The following PJA2 variants were observed in gnomAD, a reference collection of about 807,000 sequenced individuals.
The protein encoded by PJA2 is E3 ubiquitin-protein ligase Praja-2.
PJA2 carries 25 observed loss-of-function variants against 69.3 expected under a neutral mutation model. The ratio of observed to expected loss-of-function variants is 0.36; its 90% CI spans 0.26 to 0.50. The LOEUF (loss-of-function observed/expected upper bound fraction) is 0.50, where lower values mean the gene tolerates loss of function less well. Ranked by LOEUF, PJA2 falls within the 20% of genes least tolerant of loss-of-function variation. The pLI is 0.96. For synonymous variants in PJA2, 308 were observed against 277.8 expected, an observed-to-expected ratio of 1.11 and a Z score of -1.08; for missense variants, 809 against 830.2, an observed-to-expected ratio of 0.97 and a Z score of 0.31.
Position 109,365,488 on chromosome 5 carries a change from A to T in PJA2, c.1470-2466T>A, listed in dbSNP as rs1017245997. ...ACATATATGCTTTTATGTGTACGGA[A>T]GATCTTTAGAAGTTCAAAAAGGAAG... On this transcript the variant is annotated intron_variant, in intron 5 of 9. Coordinates refer to ENST00000361189, the MANE Select transcript of PJA2 (RefSeq NM_014819.5). Among the ~76,000 whole-genome samples the T allele has an allele frequency of 3.3e-5, 5 of 152,218 alleles. 1 individual carries two copies. The highest frequency in any genetic ancestry group is 3.3e-4 in the Admixed American group (5 of 15,286).
At chr5:109,337,960 T>C (rs570614744) in intron 9 of PJA2, among the ~76,000 whole-genome samples, 2 of 152,230 alleles carry the variant, frequency 1.3e-5, no homozygotes, top group South Asian at 4.1e-4. Flanking sequence ...GATAAGAGTG[T>C]TAGGTGCCTT....
intron 1 of PJA2, chr5:109,409,223 T>G (rs578129556): frequency 2.8e-4 from 43 of 152,376 alleles, no homozygotes; most frequent in African/African-American, 8.9e-4. Flanking sequence ...AGAGCAGCCC[T>G]GGCGGAAAGG....
intron 3 of PJA2, 33 bp downstream of exon 3, chr5:109,381,470 T>C: frequency 6.4e-7 from 1 of 1,572,150 alleles, no homozygotes; most frequent in Non-Finnish European, 8.7e-7. Context: ...TATATAACTA[T>C]TAATAACCTT....
At chr5:109,362,436 AG>A (rs1214779113) in intron 6 of PJA2, among the ~76,000 whole-genome samples, 2 of 152,224 alleles carry the variant, frequency 1.3e-5, no homozygotes, top group Non-Finnish European at 2.9e-5. Context: ...AAGGAAGAAT[AG>A]GGAAGGAGAA....
In PJA2 at chr5:109,337,272, C is replaced by G. The variant is rs772098880; in HGVS notation, c.2086G>C (p.Asp696His). Residue 696 changes from aspartate (D) to histidine (H), a missense_variant, in exon 10 of 10, where the codon GAT (aspartate) becomes CAT (histidine). Coordinates refer to ENST00000361189, the MANE Select transcript of PJA2 (RefSeq NM_014819.5). ...SAAPSSEPDP[D>H]APPSNDSIAE... ...ATACTGTCATTTGAAGGTGGGGCAT[C>G]AGGATCAGGCTCAGAGGAAGGAGCT... 3.1e-6 allele frequency: 5 copies of G among 1,613,498 alleles called. No homozygotes were observed. In the South Asian group the frequency reaches 5.5e-5, roughly 18 times the overall value.
chr5:109,374,823 C>G (rs1407197186), intron 4 of PJA2, among the ~76,000 whole-genome samples: 1 of 152,110 alleles, frequency 6.6e-6, no homozygotes, highest in Non-Finnish European at 1.5e-5. Context: ...CAGTTAGGCC[C>G]AAGGTTAAGA....
At chr5:109,403,663 A>G (rs1582633793) in intron 1 of PJA2, among the ~76,000 whole-genome samples, 1 of 152,030 alleles carries the variant, frequency 6.6e-6, no homozygotes, top group East Asian at 1.9e-4. Context: ...ATTCGCAAAT[A>G]AGTTAACGTA....
chr5:109,370,786 G>A (rs543989216), intron 4 of PJA2, among the ~76,000 whole-genome samples: 3 of 151,800 alleles, frequency 2.0e-5, no homozygotes, highest in Non-Finnish European at 4.4e-5. Flanking sequence ...TAACAATTAG[G>A]GTAAGATTTC....
chr5:109,343,994 G>A (rs574679845), intron 9 of PJA2, among the ~76,000 whole-genome samples, 196 bp downstream of exon 9: 1 of 151,728 alleles, frequency 6.6e-6, no homozygotes, highest in South Asian at 2.1e-4. Context: ...CTACTTGGGA[G>A]GCTGAGGCAG....
At chr5:109,397,793 G>A (rs1747451190) in intron 1 of PJA2, among the ~76,000 whole-genome samples, 1 of 152,102 alleles carries the variant, frequency 6.6e-6, no homozygotes, top group South Asian at 2.1e-4. Context: ...CAAAATGCTG[G>A]GATTACAGGC....
chr5:109,379,154 T>G lies in PJA2; in HGVS notation c.333A>C (p.Gln111His). 6.2e-7 allele frequency: 1 copy of G among 1,614,162 alleles called. No homozygotes were observed. The highest frequency in any genetic ancestry group is 2.2e-5 in the East Asian group (1 of 44,876). Residue 111 changes from glutamine (Q) to histidine (H), a missense_variant, in exon 4 of 10, where the codon CAA becomes CAC. Around this residue, in one of 4 missense-constraint regions of PJA2, gnomAD observed 700 missense variants for 639.5 expected, o/e 1.09. Coordinates refer to ENST00000361189, the MANE Select transcript of PJA2 (RefSeq NM_014819.5). ...EIPTCGSALN[Q>H]TTESSQSFVA... Reference sequence around the variant, plus strand: ...CAAAGGATTGACTGCTCTCAGTGGTTTGATTCAATGCTGAACCACAAGTGG... The same window carrying G: ...CAAAGGATTGACTGCTCTCAGTGGTGTGATTCAATGCTGAACCACAAGTGG...
intron 9 of PJA2, among the ~76,000 whole-genome samples, 170 bp from the exon 10 acceptor site, chr5:109,337,526 C>T (rs184557846): frequency 6.4e-4 from 97 of 152,252 alleles, no homozygotes; most frequent in African/African-American, 1.9e-3. Flanking sequence ...CCTTTTCCTC[C>T]CTGCCCAATC....
intron 4 of PJA2, among the ~76,000 whole-genome samples, chr5:109,375,771 A>C (rs1746853137): frequency 6.6e-6 from 1 of 152,182 alleles, no homozygotes; most frequent in South Asian, 2.1e-4. Context: ...TGACAATGAA[A>C]CATCAGGGAG....
chr5:109,351,519 T>G (rs543461304), intron 7 of PJA2, among the ~76,000 whole-genome samples: 3 of 152,100 alleles, frequency 2.0e-5, no homozygotes, highest in Admixed American at 2.0e-4. Context: ...ATAAAATAAC[T>G]AATACTACCT....
chr5:109,337,027 A>C lies in PJA2; in HGVS notation c.*204T>G, dbSNP rs2126981740. 3.1e-6 allele frequency: 1 copy of C among 318,952 alleles called. No homozygotes were observed. The highest frequency in any genetic ancestry group is 7.3e-5 in the East Asian group (1 of 13,748). 19.8% of individuals were successfully genotyped at this position (318,952 alleles called of 1,614,324 possible). On this transcript the variant is annotated 3_prime_UTR_variant, in exon 10 of 10. Coordinates refer to ENST00000361189, the MANE Select transcript of PJA2 (RefSeq NM_014819.5). ...ATATTCAACTAAAGAAAATGGATGCACTGTCTCAACATTCAGCTTAAAAAT... is the reference window on the plus strand; with the variant it reads ...ATATTCAACTAAAGAAAATGGATGCCCTGTCTCAACATTCAGCTTAAAAAT...
At chr5:109,367,633 T>C (rs921341625) in intron 5 of PJA2, among the ~76,000 whole-genome samples, 32 of 152,286 alleles carry the variant, frequency 2.1e-4, no homozygotes, top group African/African-American at 5.5e-4. Flanking sequence ...CAAACTGATA[T>C]TGAAACAAAA....
At chr5:109,382,786 T>C (rs917787654) in intron 2 of PJA2, among the ~76,000 whole-genome samples, 5 of 150,854 alleles carry the variant, frequency 3.3e-5, no homozygotes, top group South Asian at 2.1e-4. Context: ...AGGCGGAGGT[T>C]GCAGTGAGCC....
intron 7 of PJA2, among the ~76,000 whole-genome samples, chr5:109,350,684 G>A (rs960711356): frequency 6.6e-6 from 1 of 152,150 alleles, no homozygotes; most frequent in East Asian, 1.9e-4. Flanking sequence ...TTTTGTAAAT[G>A]AAGACGCTAA....
intron 1 of PJA2, among the ~76,000 whole-genome samples, chr5:109,391,617 T>C (rs1023657896): frequency 6.6e-6 from 1 of 152,022 alleles, no homozygotes; most frequent in Non-Finnish European, 1.5e-5. Context: ...GTGAGTGTGC[T>C]TGTCAGTGAA....
Sources: allele counts gnomAD v4.1 joint callset (sites outside exome capture counted in the v4.1 genomes callset), GRCh38; gene constraint gnomAD v4.1.1; regional missense constraint gnomAD v4.1.1; transcripts MANE v1.5; gene names NCBI Gene and HGNC (gene_info 2026-07-23, HGNC 2026-07-21).